The following BCKDHB variants were observed in gnomAD, a reference collection of about 807,000 sequenced individuals.
BCKDHB encodes branched chain keto acid dehydrogenase E1 subunit beta, also known as 2-oxoisovalerate dehydrogenase subunit beta, mitochondrial.
BCKDHB carries 41 observed loss-of-function variants against 48.5 expected under a neutral mutation model. The ratio of observed to expected loss-of-function variants is 0.85; its 90% CI spans 0.66 to 1.10. The LOEUF (loss-of-function observed/expected upper bound fraction) is 1.10, where lower values mean the gene tolerates loss of function less well. BCKDHB is among the 50% of genes least tolerant of loss of function. The probability of loss-of-function intolerance (pLI) is 0.00; values close to 1 mark genes in which losing one functional copy is unlikely to be tolerated. For missense variants in BCKDHB, 496 were observed against 494.2 expected (o/e 1.00, Z -0.03); for synonymous variants, 201 against 174.8 (o/e 1.15, Z -1.18).
chr6:80,241,161 T>G (rs1329123506), intron 8 of BCKDHB, among the ~76,000 whole-genome samples: 1 of 152,196 alleles, frequency 6.6e-6, no homozygotes, highest in African/African-American at 2.4e-5. Flanking sequence ...TAATCTTTTT[T>G]CAAGGTTTTA....
chr6:80,245,785 A>G (rs1233874166), intron 8 of BCKDHB, among the ~76,000 whole-genome samples: 1 of 152,118 alleles, frequency 6.6e-6, no homozygotes, highest in Non-Finnish European at 1.5e-5. Context: ...AGTTAGAAAT[A>G]AAAGAGAGGG....
chr6:80,426,621 T>A, the BCKDHB span, among the ~76,000 whole-genome samples: 1 of 152,074 alleles, frequency 6.6e-6, no homozygotes, highest in Non-Finnish European at 1.5e-5. Context: ...TCTAAAGATG[T>A]GGGGATTAAA....
At chr6:80,375,102 T>G in the BCKDHB span, among the ~76,000 whole-genome samples, 9 of 152,226 alleles carry the variant, frequency 5.9e-5, no homozygotes, top group Non-Finnish European at 1.3e-4. Flanking sequence ...TCATCTTTAC[T>G]TTAGGTAACC....
chr6:80,176,564 C>A (rs1773164867), intron 6 of BCKDHB, among the ~76,000 whole-genome samples: 1 of 151,898 alleles, frequency 6.6e-6, no homozygotes, highest in Non-Finnish European at 1.5e-5. Flanking sequence ...GTGTGAGGTG[C>A]AAAGGTGGCA....
the BCKDHB span, among the ~76,000 whole-genome samples, chr6:80,409,627 T>C: frequency 9.1e-6 from 1 of 110,036 alleles, no homozygotes; most frequent in Non-Finnish European, 1.9e-5. Context: ...TATATATATA[T>C]ATATGATAGT....
the BCKDHB span, among the ~76,000 whole-genome samples, chr6:80,368,533 C>G: frequency 1.3e-5 from 2 of 152,190 alleles, no homozygotes; most frequent in African/African-American, 4.8e-5. Context: ...TAGCCATCCA[C>G]TTCTACCTAA....
chr6:80,289,206 T>A (rs1766785090), intron 9 of BCKDHB, among the ~76,000 whole-genome samples: 1 of 152,154 alleles, frequency 6.6e-6, no homozygotes, highest in Non-Finnish European at 1.5e-5. Context: ...ACAGTATGGT[T>A]GCATATAAAA....
intron 6 of BCKDHB, among the ~76,000 whole-genome samples, chr6:80,188,857 T>G (rs1036013851): frequency 2.6e-5 from 4 of 152,154 alleles, no homozygotes; most frequent in Admixed American, 2.6e-4. Flanking sequence ...TTAGTAGCCA[T>G]TGATGGGGTG....
the BCKDHB span, among the ~76,000 whole-genome samples, chr6:80,389,807 T>A: frequency 6.6e-6 from 1 of 152,208 alleles, no homozygotes; most frequent in Non-Finnish European, 1.5e-5. Flanking sequence ...GTGTATGCTC[T>A]GAATCAGCAA....
intron 9 of BCKDHB, among the ~76,000 whole-genome samples, chr6:80,299,998 T>G (rs1390715058): frequency 2.7e-5 from 4 of 150,540 alleles, no homozygotes; most frequent in Admixed American, 1.3e-4. Flanking sequence ...AAGAAAAGGA[T>G]GGAGAAAGAC....
At chr6:80,157,060 T>C (rs1280569477) in intron 3 of BCKDHB, among the ~76,000 whole-genome samples, 1 of 152,210 alleles carries the variant, frequency 6.6e-6, no homozygotes, top group Non-Finnish European at 1.5e-5. Flanking sequence ...AAAAGTTGTA[T>C]ATCTAGTACT....
chr6:80,279,122 C>T (rs1042266562), intron 9 of BCKDHB, among the ~76,000 whole-genome samples: 1 of 151,872 alleles, frequency 6.6e-6, no homozygotes, highest in East Asian at 1.9e-4. Flanking sequence ...TAAACTGTCT[C>T]CTTTTTGTTT....
intron 8 of BCKDHB, among the ~76,000 whole-genome samples, chr6:80,258,783 C>T (rs1420079917): frequency 1.3e-5 from 2 of 151,694 alleles, no homozygotes; most frequent in South Asian, 4.2e-4. Flanking sequence ...TAGCAGCACT[C>T]ATGCATTCTA....
the BCKDHB span, among the ~76,000 whole-genome samples, chr6:80,377,192 C>T: frequency 9.2e-5 from 14 of 151,610 alleles, no homozygotes; most frequent in African/African-American, 3.4e-4. Flanking sequence ...AGGTGCCCAC[C>T]ACCACGCCTA....
At chr6:80,318,716 A>G (rs806841) in intron 9 of BCKDHB, among the ~76,000 whole-genome samples, 136,575 of 149,120 alleles carry the variant, frequency 0.92, 62,633 homozygotes, top group East Asian at 0.99. Flanking sequence ...AAAAGAAATT[A>G]GAAAAAAAAA....
intron 9 of BCKDHB, among the ~76,000 whole-genome samples, chr6:80,308,950 G>A (rs1768019556): frequency 2.0e-5 from 3 of 151,772 alleles, no homozygotes; most frequent in Admixed American, 2.0e-4. Context: ...TTTCATAATT[G>A]TACCCAAATG....
the BCKDHB span, among the ~76,000 whole-genome samples, chr6:80,364,819 A>C: frequency 6.6e-6 from 1 of 152,322 alleles, no homozygotes; most frequent in African/African-American, 2.4e-5. Context: ...AAAGTTGGGT[A>C]CTGGGGGAAC....
the BCKDHB span, among the ~76,000 whole-genome samples, chr6:80,359,625 C>T: frequency 6.6e-6 from 1 of 152,140 alleles, no homozygotes; most frequent in Non-Finnish European, 1.5e-5. Context: ...GATGGAGTCT[C>T]CCTCTGTCGC....
chr6:80,238,749 C>T (rs932633865), intron 8 of BCKDHB, among the ~76,000 whole-genome samples: 1 of 125,814 alleles, frequency 7.9e-6, no homozygotes, highest in Admixed American at 9.9e-5. Context: ...ATCCCTCCCC[C>T]CTCCTCCCAT....
Sources: allele counts gnomAD v4.1 joint callset (sites outside exome capture counted in the v4.1 genomes callset), GRCh38; gene constraint gnomAD v4.1.1; transcripts MANE v1.5; gene names NCBI Gene and HGNC (gene_info 2026-07-23, HGNC 2026-07-21).